Variants in LRP1B observed in about 807,000 individuals in gnomAD.
The protein encoded by LRP1B is LDL receptor related protein 1B, also known as low-density lipoprotein receptor-related protein 1B.
In LRP1B, 217 loss-of-function variants were observed where a neutral mutation model predicts 556.6. That is an observed-to-expected ratio of 0.39 (90% CI 0.35 to 0.44). The LOEUF is 0.44. Among genes scored for constraint, LRP1B ranks in the 20% least tolerant of loss-of-function variants. The probability of loss-of-function intolerance (pLI) is 1.00; values close to 1 mark genes in which losing one functional copy is unlikely to be tolerated. For synonymous variants in LRP1B, 2,047 were observed against 1,865.8 expected (o/e 1.10, Z -2.50); for missense variants, 5,053 against 5,620.8 (o/e 0.90, Z 3.23).
chr2:142,031,316 G>T (rs1165577079), intron 1 of LRP1B, among the ~76,000 whole-genome samples: 2 of 114,322 alleles, frequency 1.7e-5, no homozygotes, highest in Non-Finnish European at 3.9e-5. Context: ...TTTAGAGAAA[G>T]GTTGATTATA....
chr2:141,962,516 A>T (rs979981089), intron 1 of LRP1B, among the ~76,000 whole-genome samples: 2 of 151,788 alleles, frequency 1.3e-5, no homozygotes, highest in Non-Finnish European at 2.9e-5. Flanking sequence ...ATTCAACTAC[A>T]ACCTACAGAG....
chr2:141,628,549 A>AT (rs1162605908), intron 2 of LRP1B, among the ~76,000 whole-genome samples: 1 of 152,222 alleles, frequency 6.6e-6, no homozygotes, highest in African/African-American at 2.4e-5. Context: ...AATGGTAAAC[A>AT]TGATGAACAA....
At chr2:140,352,041 C>G (rs1681985027) in intron 76 of LRP1B, among the ~76,000 whole-genome samples, 1 of 152,116 alleles carries the variant, frequency 6.6e-6, no homozygotes, top group Admixed American at 6.6e-5. Flanking sequence ...TAATAACAAT[C>G]TTAATAATGT....
chr2:140,485,735 G>A (rs1215389022), intron 58 of LRP1B, among the ~76,000 whole-genome samples: 1 of 151,792 alleles, frequency 6.6e-6, no homozygotes, highest in Non-Finnish European at 1.5e-5. Context: ...CTTACACATA[G>A]TTTTAAATAA....
rs762280754 is a variant in LRP1B, at chr2:140,270,360, G to GA, written c.13143-15dup. On this transcript the variant is annotated splice_polypyrimidine_tract_variant and intron_variant, in intron 85 of 90. Coordinates refer to ENST00000389484, the MANE Select transcript of LRP1B (RefSeq NM_018557.3). ...CCATTAGTGCAGCTGCAACAACAAAGAAAAAAAGAACAATTTCATTGTTAT... is the reference window on the plus strand; with the variant it reads ...CCATTAGTGCAGCTGCAACAACAAAGAAAAAAAAGAACAATTTCATTGTTAT... 4.6e-6 allele frequency: 7 copies of GA among 1,514,722 alleles called. No individual in the cohort carries two copies. Among genetic ancestry groups the GA allele is most frequent in the South Asian group, 2.3e-5 (2 of 87,974 alleles). 93.8% of individuals were successfully genotyped at this position (1,514,722 alleles called of 1,614,324 possible). A position where few individuals can be genotyped will look rare whatever the true frequency, so the allele number is the denominator to read the frequency against.
intron 66 of LRP1B, among the ~76,000 whole-genome samples, chr2:140,393,423 T>G (rs1246703067): frequency 6.6e-6 from 1 of 151,894 alleles, no homozygotes; most frequent in Admixed American, 6.6e-5. Flanking sequence ...CCAGAAAAAT[T>G]GTTTCGTTCC....
chr2:140,892,639 G>A (rs1573850854), intron 23 of LRP1B, among the ~76,000 whole-genome samples: 1 of 152,160 alleles, frequency 6.6e-6, no homozygotes, highest in African/African-American at 2.4e-5. Context: ...GTCATTGTAA[G>A]TAGAAGTACA....
chr2:142,036,085 T>G (rs1225925511), intron 1 of LRP1B, among the ~76,000 whole-genome samples: 2 of 151,662 alleles, frequency 1.3e-5, no homozygotes, highest in Non-Finnish European at 3.0e-5. Context: ...TTCCCAGTCT[T>G]AGGTATGTCT....
chr2:142,060,002 T>C (rs1704844799), intron 1 of LRP1B, among the ~76,000 whole-genome samples: 1 of 152,112 alleles, frequency 6.6e-6, no homozygotes, highest in Non-Finnish European at 1.5e-5. Context: ...ATTTTACCTT[T>C]CCTTAGATAA....
intron 1 of LRP1B, among the ~76,000 whole-genome samples, chr2:141,989,700 GT>G (rs1268793299): frequency 6.6e-6 from 1 of 151,940 alleles, no homozygotes; most frequent in Non-Finnish European, 1.5e-5. Flanking sequence ...AGATCTGATG[GT>G]TTTATAATGG....
chr2:140,254,239 A>C (rs988052029), intron 86 of LRP1B, among the ~76,000 whole-genome samples: 16 of 152,162 alleles, frequency 1.1e-4, no homozygotes, highest in Non-Finnish European at 1.8e-4. Flanking sequence ...GCACTATTCG[A>C]CATATATTTA....
At chr2:140,888,960 CA>C (rs35546727) in intron 23 of LRP1B, among the ~76,000 whole-genome samples, 13,301 of 78,016 alleles carry the variant, frequency 0.17, 447 homozygotes, top group Admixed American at 0.21. Context: ...GAGTCTGTCT[CA>C]AAAAAAAAAA....
intron 23 of LRP1B, among the ~76,000 whole-genome samples, chr2:140,895,283 A>T (rs1343229337): frequency 1.3e-5 from 2 of 152,222 alleles, no homozygotes; most frequent in East Asian, 3.8e-4. Context: ...TGTTATTTGC[A>T]ATGTTACTAT....
rs76329718 is a variant in LRP1B, at chr2:140,588,452, T to C, written c.7194+10179A>G. Reference sequence around the variant, plus strand: ...AATATACCTGACGACACTATAGATATATGAAAGACATTTTGTAGATGTGGA... The same window carrying C: ...AATATACCTGACGACACTATAGATACATGAAAGACATTTTGTAGATGTGGA... On this transcript the variant is annotated intron_variant, in intron 43 of 90. Transcript: ENST00000389484. 4.1e-3 allele frequency among the ~76,000 whole-genome samples: 623 copies of C among 152,318 alleles called. 5 individuals carry two copies. Among genetic ancestry groups the C allele is most frequent in the African/African-American group, 0.014 (591 of 41,578 alleles).
intron 89 of LRP1B, among the ~76,000 whole-genome samples, chr2:140,236,964 A>G (rs1329673195): frequency 6.6e-6 from 1 of 151,006 alleles, no homozygotes; most frequent in Non-Finnish European, 1.5e-5. Flanking sequence ...TACATTGCAG[A>G]AAAAATCAAA....
chr2:141,166,859 A>C (rs144431959), intron 7 of LRP1B, among the ~76,000 whole-genome samples: 23 of 143,656 alleles, frequency 1.6e-4, no homozygotes, highest in Admixed American at 5.1e-4. Flanking sequence ...TGATTTAATA[A>C]CTGGAAAACA....
At chr2:141,938,597 C>T (rs1392487612) in intron 1 of LRP1B, among the ~76,000 whole-genome samples, 1 of 152,046 alleles carries the variant, frequency 6.6e-6, no homozygotes, top group African/African-American at 2.4e-5. Context: ...GGTATGTATG[C>T]AAAGGAAATA....
At chr2:140,796,776 C>CTAA (rs1690330746) in intron 32 of LRP1B, among the ~76,000 whole-genome samples, 1 of 151,994 alleles carries the variant, frequency 6.6e-6, no homozygotes, top group Non-Finnish European at 1.5e-5. Context: ...AATTATAGTG[C>CTAA]ATTTAAAATA....
intron 55 of LRP1B, among the ~76,000 whole-genome samples, chr2:140,499,391 T>A (rs1193118749): frequency 6.6e-6 from 1 of 151,730 alleles, no homozygotes. Flanking sequence ...TAAACACAAA[T>A]AAATCTACTT....
Sources: allele counts gnomAD v4.1 joint callset (sites outside exome capture counted in the v4.1 genomes callset), GRCh38; gene constraint gnomAD v4.1.1; transcripts MANE v1.5; gene names NCBI Gene and HGNC (gene_info 2026-07-23, HGNC 2026-07-21).